Variants in USP25 observed in about 807,000 individuals in gnomAD.
The protein encoded by USP25 is ubiquitin carboxyl-terminal hydrolase 25.
A neutral mutation model predicts 158.5 loss-of-function variants in USP25; 85 were observed. That is an observed-to-expected ratio of 0.54 (90% CI 0.45 to 0.64). The LOEUF is 0.64. USP25 is among the 30% of genes least tolerant of loss of function. USP25 has a pLI of 0.00. For missense variants in USP25, 1,242 were observed against 1,327.3 expected (o/e 0.94, Z 1.00); for synonymous variants, 464 against 460.4 (o/e 1.01, Z -0.10).
chr21:15,829,723 A>T (rs990110943), intron 14 of USP25, among the ~76,000 whole-genome samples: 2 of 152,128 alleles, frequency 1.3e-5, no homozygotes, highest in South Asian at 4.1e-4. Context: ...TATGCTGCAG[A>T]TATTATTTTC....
chr21:15,764,954 C>T (rs567615964), intron 2 of USP25, among the ~76,000 whole-genome samples: 5 of 152,128 alleles, frequency 3.3e-5, no homozygotes, highest in Non-Finnish European at 7.4e-5. Context: ...GATCCTACTT[C>T]TGTCATGTCC....
chr21:15,849,728 T>C (rs764489123), intron 19 of USP25, 49 bp from the exon 20 acceptor site: 3 of 1,373,118 alleles, frequency 2.2e-6, no homozygotes, highest in South Asian at 1.4e-5. Context: ...GTGAATAAAT[T>C]ATTTTAGTTT....
chr21:15,873,399 G>A (rs1287898181), intron 23 of USP25, among the ~76,000 whole-genome samples: 3 of 152,016 alleles, frequency 2.0e-5, no homozygotes, highest in African/African-American at 4.8e-5. Flanking sequence ...GGGATTACAG[G>A]CATGAGCGAC....
intron 1 of USP25, among the ~76,000 whole-genome samples, chr21:15,736,486 T>C (rs1460547096): frequency 6.6e-6 from 1 of 152,202 alleles, no homozygotes; most frequent in Non-Finnish European, 1.5e-5. Context: ...GTCATCTGAT[T>C]ATCCATTTAT....
Position 15,730,111 on chromosome 21 carries a change from C to G in USP25, c.-283C>G. On this transcript the variant is annotated 5_prime_UTR_variant, in exon 1 of 26. Coordinates refer to ENST00000400183, the MANE Select transcript of USP25 (RefSeq NM_001283041.3). The stretch of plus-strand genomic sequence containing the variant: ...GCGCTCTCCCGTGCCCCGGCGTCCT[C>G]CGCCCGCTCATGGCCCGGGCCGCCG... 6.4e-6 allele frequency: 1 copy of G among 156,170 alleles called. No individual in the cohort carries two copies. The highest frequency in any genetic ancestry group is 1.4e-5 in the Non-Finnish European group (1 of 72,070). 9.7% of individuals were successfully genotyped at this position (156,170 alleles called of 1,614,324 possible). A position where few individuals can be genotyped will look rare whatever the true frequency, so the allele number is the denominator to read the frequency against.
intron 1 of USP25, among the ~76,000 whole-genome samples, chr21:15,738,829 T>C (rs1158276032): frequency 6.6e-6 from 1 of 152,130 alleles, no homozygotes; most frequent in Admixed American, 6.5e-5. Context: ...CCTGACCTAA[T>C]CAGTTATGTT....
intron 17 of USP25, among the ~76,000 whole-genome samples, chr21:15,841,391 AT>A (rs948165993): frequency 4.6e-5 from 7 of 152,110 alleles, no homozygotes; most frequent in Non-Finnish European, 8.8e-5. Flanking sequence ...CCCCAGAATA[AT>A]TTTTTAAAAA....
At chr21:15,764,005 A>C (rs902501094) in intron 2 of USP25, among the ~76,000 whole-genome samples, 2 of 152,140 alleles carry the variant, frequency 1.3e-5, no homozygotes, top group Non-Finnish European at 2.9e-5. Context: ...CAGGTGCCAC[A>C]CTTAATTTAT....
At chr21:15,740,640 T>TA (rs1241013778) in intron 1 of USP25, among the ~76,000 whole-genome samples, 1 of 98,460 alleles carries the variant, frequency 1.0e-5, no homozygotes, top group East Asian at 3.1e-4. Context: ...TCTTTCTGGC[T>TA]GTTTTTTTTT....
intron 23 of USP25, among the ~76,000 whole-genome samples, chr21:15,873,507 T>TC (rs2039975475): frequency 6.6e-6 from 1 of 151,680 alleles, no homozygotes; most frequent in Non-Finnish European, 1.5e-5. Context: ...TTCTATCACT[T>TC]CTTTTTTTTT....
chr21:15,782,876 G>C (rs1295658951), intron 4 of USP25, among the ~76,000 whole-genome samples: 1 of 152,108 alleles, frequency 6.6e-6, no homozygotes, highest in Non-Finnish European at 1.5e-5. Flanking sequence ...CCCAAACCTG[G>C]CACCACAATG....
intron 23 of USP25, among the ~76,000 whole-genome samples, chr21:15,870,518 G>A (rs180909212): frequency 4.8e-4 from 73 of 152,188 alleles, no homozygotes; most frequent in African/African-American, 1.6e-3. Flanking sequence ...TTTGTGTACT[G>A]TGACTTTAAA....
At chr21:15,742,902 A>G (rs2032191506) in intron 1 of USP25, among the ~76,000 whole-genome samples, 1 of 152,198 alleles carries the variant, frequency 6.6e-6, no homozygotes, top group Admixed American at 6.5e-5. Flanking sequence ...GGGACTGGGT[A>G]TACCGCATGT....
At chr21:15,867,613 C>G (rs975030616) in intron 22 of USP25, among the ~76,000 whole-genome samples, 6 of 151,730 alleles carry the variant, frequency 4.0e-5, no homozygotes, top group Non-Finnish European at 5.9e-5. Flanking sequence ...TTTTTTTTAC[C>G]TTGAAATTCA....
At chr21:15,808,546 T>TTG (rs35849786) in intron 7 of USP25, among the ~76,000 whole-genome samples, 18,797 of 148,410 alleles carry the variant, frequency 0.13, 1,163 homozygotes, top group Middle Eastern at 0.19. Flanking sequence ...TGGTTTTTGA[T>TTG]TGTGTGTGTG....
chr21:15,802,080 G>T (rs2036162805), intron 6 of USP25, among the ~76,000 whole-genome samples: 1 of 151,358 alleles, frequency 6.6e-6, no homozygotes, highest in South Asian at 2.1e-4. Flanking sequence ...TCAGACTGAT[G>T]GCAAAGCATA....
chr21:15,798,704 CA>C (rs1455456052), intron 5 of USP25, among the ~76,000 whole-genome samples: 1 of 151,280 alleles, frequency 6.6e-6, no homozygotes, highest in Admixed American at 6.6e-5. Context: ...TTCTAGATCA[CA>C]AGATAAAATT....
intron 1 of USP25, among the ~76,000 whole-genome samples, chr21:15,748,207 A>G (rs2032712981): frequency 6.6e-6 from 1 of 152,210 alleles, no homozygotes; most frequent in Non-Finnish European, 1.5e-5. Context: ...GCCTGACAAC[A>G]GTATGTATAC....
At position 15,831,611 on chromosome 21, in the gene USP25, G is replaced by A. The variant is rs140677270; in HGVS notation, c.1975G>A (p.Ala659Thr). 5 of 1,613,222 alleles carry A rather than the reference G, an allele frequency of 3.1e-6. No homozygotes were observed. The African/African-American group carries it at 5.3e-5, about 17-fold the overall frequency. ...CTGTTTAATGTACATAAATGATAAGGCACAGTTCCTAATACAAGGTAAGAA... is the reference window on the plus strand; with the variant it reads ...CTGTTTAATGTACATAAATGATAAGACACAGTTCCTAATACAAGGTAAGAA... ...AYCLMYINDK[A>T]QFLIQEEFNK... The change falls in exon 16 of 26, where the codon GCA (alanine) becomes ACA (threonine). Residue 659 changes from alanine (A) to threonine (T), a missense_variant. Physicochemically the swap from Ala to Thr is moderately conservative, Grantham distance 58. Coordinates refer to ENST00000400183, the MANE Select transcript of USP25 (RefSeq NM_001283041.3).
Sources: allele counts gnomAD v4.1 joint callset (sites outside exome capture counted in the v4.1 genomes callset), GRCh38; gene constraint gnomAD v4.1.1; transcripts MANE v1.5; gene names NCBI Gene and HGNC (gene_info 2026-07-23, HGNC 2026-07-21).